Variants in ERC2 observed in about 807,000 individuals in gnomAD.
ERC2 encodes ERC protein 2.
In ERC2, 42 loss-of-function variants were observed where a neutral mutation model predicts 114.8. That is an observed-to-expected ratio of 0.37 (90% CI 0.29 to 0.47). ERC2 has a LOEUF of 0.47. ERC2 is among the 20% of genes least tolerant of loss of function. ERC2 has a pLI of 0.99. For synonymous variants in ERC2, 454 were observed against 425.5 expected, an observed-to-expected ratio of 1.07 and a Z score of -0.82; for missense variants, 939 against 1,150.7, an observed-to-expected ratio of 0.82 and a Z score of 2.66.
intron 12 of ERC2, among the ~76,000 whole-genome samples, chr3:55,983,812 T>A (rs2070356620): frequency 6.6e-6 from 1 of 152,230 alleles, no homozygotes; most frequent in South Asian, 2.1e-4. Context: ...CACACATACA[T>A]ATGTATCTCA....
chr3:55,642,874 AAT>A (rs1178909570), intron 17 of ERC2, among the ~76,000 whole-genome samples: 1 of 152,214 alleles, frequency 6.6e-6, no homozygotes, highest in Non-Finnish European at 1.5e-5. Flanking sequence ...CTGGAAAAAA[AAT>A]ATTTTTACAC....
At chr3:55,566,210 G>A (rs1310312374) in intron 17 of ERC2, among the ~76,000 whole-genome samples, 2 of 152,142 alleles carry the variant, frequency 1.3e-5, no homozygotes, top group African/African-American at 4.8e-5. Context: ...AACCCATAAT[G>A]TCCTATCTGC....
At chr3:55,811,724 C>T (rs1291102365) in intron 14 of ERC2, among the ~76,000 whole-genome samples, 2 of 152,208 alleles carry the variant, frequency 1.3e-5, no homozygotes, top group African/African-American at 4.8e-5. Context: ...AGCAACCTTT[C>T]TCTGACTATG....
rs568813179 is a variant in ERC2, at chr3:56,181,378, G to A, written c.1075-7858C>T. On this transcript the variant is annotated intron_variant, in intron 3 of 17. Transcript: ENST00000288221. ...CTGGTAAATAAAGTTTTATTGGAACGCTGCTATGCACATTGATTTCCACAT... is the reference window on the plus strand; with the variant it reads ...CTGGTAAATAAAGTTTTATTGGAACACTGCTATGCACATTGATTTCCACAT... 9.2e-5 allele frequency among the ~76,000 whole-genome samples: 14 copies of A among 152,316 alleles called. No homozygotes were observed. In the East Asian group the frequency reaches 2.1e-3, roughly 23 times the overall value.
At chr3:56,041,191 T>C (rs1256388762) in intron 7 of ERC2, among the ~76,000 whole-genome samples, 1 of 152,142 alleles carries the variant, frequency 6.6e-6, no homozygotes. Context: ...GATATATGTT[T>C]AAGAGGTGGG....
intron 17 of ERC2, among the ~76,000 whole-genome samples, chr3:55,539,415 C>CTTTTTTTTTTTTTGTTTTTTTTT (rs2054228914): frequency 2.6e-5 from 1 of 39,090 alleles, no homozygotes; most frequent in Non-Finnish European, 4.6e-5. Flanking sequence ...TTTTTTCTTT[C>CTTTTTTTTTTTTTGTTTTTTTTT]TTTTTTTTTT....
chr3:56,258,908 A>G (rs1001041135), intron 3 of ERC2, among the ~76,000 whole-genome samples: 2 of 152,120 alleles, frequency 1.3e-5, no homozygotes, highest in Non-Finnish European at 2.9e-5. Flanking sequence ...GGAAAATTGT[A>G]TCTCTTTCAT....
chr3:55,808,865 T>C (rs1312196253), intron 14 of ERC2, among the ~76,000 whole-genome samples: 1 of 150,456 alleles, frequency 6.6e-6, no homozygotes, highest in Non-Finnish European at 1.5e-5. Context: ...TCTCAACTTT[T>C]TAATCAATTT....
At chr3:55,965,711 G>A (rs1246286543) in intron 12 of ERC2, among the ~76,000 whole-genome samples, 3 of 152,134 alleles carry the variant, frequency 2.0e-5, no homozygotes, top group African/African-American at 7.2e-5. Context: ...GGTAATTTAT[G>A]CATCCTTACA....
At chr3:56,160,521 TTCTGAGGACTTAGTCATAAA>T (rs1424307005) in intron 4 of ERC2, among the ~76,000 whole-genome samples, 1 of 152,198 alleles carries the variant, frequency 6.6e-6, no homozygotes, top group East Asian at 1.9e-4. Context: ...TTGCAATTGA[TTCTGAGGACTTAGTCATAAA>T]TCCTTTCACA....
chr3:55,982,049 C>T (rs1012489226), intron 12 of ERC2, among the ~76,000 whole-genome samples: 3 of 152,104 alleles, frequency 2.0e-5, no homozygotes, highest in African/African-American at 7.2e-5. Flanking sequence ...ACAGGAAGAA[C>T]CAGAGGCATT....
intron 2 of ERC2, 74 bp from the exon 3 acceptor site, chr3:56,296,509 C>T: frequency 7.0e-7 from 1 of 1,429,678 alleles, no homozygotes; most frequent in Non-Finnish European, 9.4e-7. Context: ...GTGCCGCTTG[C>T]TGCCACCACA....
chr3:56,274,198 T>C (rs915250619), intron 3 of ERC2, among the ~76,000 whole-genome samples: 55 of 152,294 alleles, frequency 3.6e-4, no homozygotes, highest in African/African-American at 1.3e-3. Flanking sequence ...AGCCTGAACC[T>C]TATTGTGAAC....
chr3:55,930,123 C>A (rs1276281997), intron 13 of ERC2, among the ~76,000 whole-genome samples: 2 of 152,120 alleles, frequency 1.3e-5, no homozygotes, highest in East Asian at 3.9e-4. Context: ...CCTGTAATCC[C>A]AGCCACTTGG....
intron 17 of ERC2, among the ~76,000 whole-genome samples, chr3:55,613,655 G>A (rs898179390): frequency 1.3e-5 from 2 of 152,016 alleles, no homozygotes; most frequent in African/African-American, 2.4e-5. Flanking sequence ...TGAAGAAGTC[G>A]GGATAATGGC....
chr3:55,607,393 GC>G (rs2058685581), intron 17 of ERC2, among the ~76,000 whole-genome samples: 1 of 152,104 alleles, frequency 6.6e-6, no homozygotes, highest in African/African-American at 2.4e-5. Flanking sequence ...GTCAGCACGT[GC>G]GAGATTCCTG....
chr3:55,534,515 G>A (rs1172102774), intron 17 of ERC2, among the ~76,000 whole-genome samples: 1 of 151,534 alleles, frequency 6.6e-6, no homozygotes, highest in Non-Finnish European at 1.5e-5. Flanking sequence ...GCAACATGAC[G>A]AAAGCCTGCC....
Position 56,300,280 on chromosome 3 carries a change from C to CAA in ERC2, c.658-3847_658-3846dup, listed in dbSNP as rs200816892. ...GTATCTCCCTCATACTCATGAAATA[C>CAA]AAAAAAAAAAAAAAAGAAAAACAAA... On this transcript the variant is annotated intron_variant, in intron 2 of 17. Transcript: ENST00000288221. 4.3e-5 allele frequency among the ~76,000 whole-genome samples: 4 copies of CAA among 93,218 alleles called. No homozygotes were observed. In the South Asian group the frequency reaches 9.7e-4, roughly 23 times the overall value. The allele number at this position is 93,218 out of a possible 152,430, so 61.2% of individuals were successfully genotyped here.
intron 2 of ERC2, among the ~76,000 whole-genome samples, chr3:56,430,685 A>T (rs2107329291): frequency 6.6e-6 from 1 of 152,310 alleles, no homozygotes; most frequent in African/African-American, 2.4e-5. Flanking sequence ...GCTACTAGGG[A>T]GGCTGAGGTG....
Sources: gnomAD v4.1 joint callset for allele counts (sites outside exome capture counted in the v4.1 genomes callset) on GRCh38, gnomAD v4.1.1 for gene constraint, MANE v1.5 for transcripts, NCBI Gene and HGNC (gene_info 2026-07-23, HGNC 2026-07-21) for gene names.